The following PAK4 variants were observed in gnomAD, a reference collection of about 807,000 sequenced individuals.
PAK4 encodes the protein serine/threonine-protein kinase PAK 4.
Under a neutral mutation model 53.5 loss-of-function variants are expected in PAK4, and 49 were observed. The ratio of observed to expected loss-of-function variants is 0.92; its 90% CI spans 0.73 to 1.16. The LOEUF is 1.16. PAK4 is among the 50% of genes most tolerant of loss of function. The probability of loss-of-function intolerance (pLI) is 0.00; values close to 1 mark genes in which losing one functional copy is unlikely to be tolerated. For missense variants in PAK4, 824 were observed against 850.7 expected, an observed-to-expected ratio of 0.97 and a Z score of 0.39; for synonymous variants, 376 against 375.6, an observed-to-expected ratio of 1.00 and a Z score of -0.01.
At chr19:39,165,083 T>A (rs574411691) in intron 1 of PAK4, among the ~76,000 whole-genome samples, 2 of 150,990 alleles carry the variant, frequency 1.3e-5, no homozygotes, top group East Asian at 3.9e-4. Flanking sequence ...GGACCCTCAC[T>A]CAGCAGAGAC....
chr19:39,175,171 G>A lies in PAK4; in HGVS notation c.1232+107G>A. 2 of 1,499,082 alleles carry A rather than the reference G, an allele frequency of 1.3e-6. No homozygotes were observed. The highest frequency in any genetic ancestry group is 1.8e-6 in the Non-Finnish European group (2 of 1,102,694). The allele number at this position is 1,499,082 out of a possible 1,614,324, so 92.9% of individuals were successfully genotyped here. ...CAGCTGTGCTCCGGGCCCCTGGGAT[G>A]GGGTCGTGTCTTCCATTCCTCCCAC... is the stretch of plus-strand genomic sequence containing the variant. On this transcript the variant is annotated intron_variant, in intron 5 of 8. Transcript: ENST00000358301. The surrounding 1 kb of genome is among the most constrained non-coding windows in gnomAD (Gnocchi z 4.7).
rs1221249672 is a variant in PAK4 at position 39,169,861 on chromosome 19, A to G, written c.204+104A>G. On this transcript the variant is annotated intron_variant, in intron 2 of 8. Coordinates refer to ENST00000358301, the Ensembl canonical transcript of PAK4. ...CTGTGACCGACACCTCCTCACTGACATGGAAATGGAGACAAACCCCAGCCT... is the reference window on the plus strand; with the variant it reads ...CTGTGACCGACACCTCCTCACTGACGTGGAAATGGAGACAAACCCCAGCCT... 6.4e-5 allele frequency: 52 copies of G among 809,142 alleles called. No individual in the cohort carries two copies. The East Asian group carries it at 1.2e-3, about 19-fold the overall frequency. 50.1% of individuals were successfully genotyped at this position (809,142 alleles called of 1,614,324 possible). A position where few individuals can be genotyped will look rare whatever the true frequency, so the allele number is the denominator to read the frequency against.
At chr19:39,157,373 C>T (rs2074203275) in intron 1 of PAK4, among the ~76,000 whole-genome samples, 1 of 151,830 alleles carries the variant, frequency 6.6e-6, no homozygotes. Flanking sequence ...GTGTGGATCT[C>T]TTTGGGAGTC....
rs2074650569 is a variant in PAK4 at position 39,178,309 on chromosome 19, T to G, written c.1621-115T>G. On this transcript the variant is annotated intron_variant, in intron 8 of 8. Transcript: ENST00000358301. The surrounding 1 kb of genome is among the most constrained non-coding windows in gnomAD (Gnocchi z 4.4). ...CTAGACACCCATGACCTCCGCCCCC[T>G]GCCCTCCTGCACAGTACATGCCGCC... The G allele has an allele frequency of 9.1e-7, 1 of 1,102,044 alleles. No homozygotes were observed. Among genetic ancestry groups the G allele is most frequent in the Non-Finnish European group, 1.3e-6 (1 of 779,272 alleles). 68.3% of individuals were successfully genotyped at this position (1,102,044 alleles called of 1,614,324 possible). A position where few individuals can be genotyped will look rare whatever the true frequency, so the allele number is the denominator to read the frequency against.
At chr19:39,170,963 G>C (rs2074467455) in intron 2 of PAK4, among the ~76,000 whole-genome samples, 1 of 152,196 alleles carries the variant, frequency 6.6e-6, no homozygotes, top group South Asian at 2.1e-4. Context: ...TCAGCTCCAC[G>C]CCCTGCCTGG....
intron 1 of PAK4, among the ~76,000 whole-genome samples, chr19:39,128,626 A>ACT (rs1955524085): frequency 6.6e-6 from 1 of 152,254 alleles, no homozygotes; most frequent in Admixed American, 6.5e-5. Context: ...AAGGGCTTTC[A>ACT]GTATAATGAA....
chr19:39,172,228 C>T lies in PAK4; in HGVS notation c.205-690C>T, dbSNP rs545003925. 7.5e-5 allele frequency among the ~76,000 whole-genome samples: 4 copies of T among 53,456 alleles called. No homozygotes were observed. In the East Asian group the frequency reaches 1.7e-3, roughly 22 times the overall value. The allele number at this position is 53,456 out of a possible 152,430, so 35.1% of individuals were successfully genotyped here. ...CGGAGAGGCCCTGGGCGCAGGGGGG[C>T]GGGGGTGGGGGAGACACCCGTGTGT... On this transcript the variant is annotated intron_variant, in intron 2 of 8. Transcript: ENST00000358301.
At chr19:39,154,911 C>T (rs1163651713) in intron 1 of PAK4, among the ~76,000 whole-genome samples, 3 of 152,152 alleles carry the variant, frequency 2.0e-5, no homozygotes, top group Non-Finnish European at 4.4e-5. Context: ...CCTTGGACTT[C>T]CTCCTCACTG....
intron 8 of PAK4, 99 bp downstream of exon 9, chr19:39,177,908 C>A: frequency 1.5e-6 from 2 of 1,364,168 alleles, no homozygotes; most frequent in Non-Finnish European, 2.0e-6. Flanking sequence ...AATGATGGCG[C>A]CTGGGATGGC....
At chr19:39,174,108 G>A in intron 4 of PAK4, 98 bp downstream of exon 5, 1 of 806,352 alleles carries the variant, frequency 1.2e-6, no homozygotes, top group Non-Finnish European at 1.9e-6. Context: ...CCTCCGTGCT[G>A]GGCCAGGCTC....
intron 1 of PAK4, among the ~76,000 whole-genome samples, chr19:39,149,641 G>A (rs933992198): frequency 5.9e-5 from 9 of 152,168 alleles, no homozygotes; most frequent in African/African-American, 2.2e-4. Flanking sequence ...CAGATCAAGA[G>A]GTCAGGAGAT....
At chr19:39,166,705 C>G (rs2074382053) in intron 1 of PAK4, among the ~76,000 whole-genome samples, 1 of 152,216 alleles carries the variant, frequency 6.6e-6, no homozygotes, top group African/African-American at 2.4e-5. Flanking sequence ...CCACCCTTCC[C>G]TCCCTGCACC....
intron 1 of PAK4, among the ~76,000 whole-genome samples, chr19:39,139,252 TCAG>T (rs2073871486): frequency 6.8e-6 from 1 of 148,010 alleles, no homozygotes. Flanking sequence ...GAGCTGGTGA[TCAG>T]CCGCACGGCC....
At position 39,173,993 on chromosome 19, in the gene PAK4, G is replaced by A. The variant is rs1373304040; in HGVS notation, c.1081G>A (p.Glu361Lys). ...GGACCTGCGCAAGCAGCAGAGGCGC[G>A]AGCTGCTCTTCAACGAGGTGCGGGC... Residue 361 changes from glutamate to lysine, a missense_variant, in exon 4 of 9, where the codon GAG becomes AAG. By Grantham distance (56) the Glu-to-Lys change is moderately conservative. Coordinates refer to ENST00000358301, the Ensembl canonical transcript of PAK4. This position sits in a 1 kb window ranked among gnomAD's most constrained non-coding sequence, Gnocchi z 6.9. 1.9e-6 allele frequency: 3 copies of A among 1,599,100 alleles called. No homozygotes were observed. The highest frequency in any genetic ancestry group is 1.3e-5 in the African/African-American group (1 of 74,646).
chr19:39,129,002 G>A (rs1184001783), intron 1 of PAK4, among the ~76,000 whole-genome samples: 2 of 152,224 alleles, frequency 1.3e-5, no homozygotes, highest in East Asian at 1.9e-4. Flanking sequence ...AGGGGCTGAC[G>A]ACTGTTGTTT....
intron 2 of PAK4, among the ~76,000 whole-genome samples, chr19:39,170,665 C>T (rs951182270): frequency 1.3e-5 from 2 of 152,244 alleles, no homozygotes; most frequent in African/African-American, 4.8e-5. Context: ...TGCCTGGGGA[C>T]TCACCCTCCC....
chr19:39,166,194 C>T (rs1027215784), intron 1 of PAK4, among the ~76,000 whole-genome samples: 5 of 152,240 alleles, frequency 3.3e-5, no homozygotes, highest in Non-Finnish European at 7.3e-5. Context: ...GCAGGGCTCA[C>T]GCCTGTAATC....
At chr19:39,174,439 C>G (rs1478515288) in intron 4 of PAK4, among the ~76,000 whole-genome samples, 1 of 151,914 alleles carries the variant, frequency 6.6e-6, no homozygotes, top group Non-Finnish European at 1.5e-5. Flanking sequence ...GGCCCACCCC[C>G]TCCCCGTCCC....
chr19:39,169,300 G>A (rs1032877308), intron 1 of PAK4, among the ~76,000 whole-genome samples: 2 of 152,150 alleles, frequency 1.3e-5, no homozygotes, highest in African/African-American at 4.8e-5. Context: ...GCAGGAGACA[G>A]AGCGGCAGGA....
Sources: allele counts gnomAD v4.1 joint callset (sites outside exome capture counted in the v4.1 genomes callset), GRCh38; gene constraint gnomAD v4.1.1; non-coding constraint Gnocchi (gnomAD v3.1); transcripts MANE v1.5; gene names NCBI Gene and HGNC (gene_info 2026-07-23, HGNC 2026-07-21).